Variants in PRDM2 observed in about 807,000 individuals in gnomAD.
PRDM2 encodes the protein PR/SET domain 2.
Under a neutral mutation model 130.0 loss-of-function variants are expected in PRDM2, and 30 were observed. That is an observed-to-expected ratio of 0.23 (90% CI 0.17 to 0.31). The LOEUF is 0.31. PRDM2 is among the 10% of genes least tolerant of loss of function. The probability of loss-of-function intolerance (pLI) is 1.00; values close to 1 mark genes in which losing one functional copy is unlikely to be tolerated. For missense variants in PRDM2, 2,011 were observed against 2,108.4 expected, an observed-to-expected ratio of 0.95 and a Z score of 0.90; for synonymous variants, 871 against 782.4, an observed-to-expected ratio of 1.11 and a Z score of -1.89.
At chr1:13,791,633 AAAG>A (rs1644840960) in intron 8 of PRDM2, among the ~76,000 whole-genome samples, 1 of 152,204 alleles carries the variant, frequency 6.6e-6, no homozygotes, top group Non-Finnish European at 1.5e-5. Flanking sequence ...CCTTATTTTT[AAAG>A]TATAGGATTA....
rs1557606338 is a variant in PRDM2, at chr1:13,732,896, C to T, written c.231+14C>T. 2.7e-6 allele frequency: 4 copies of T among 1,465,420 alleles called. No homozygotes were observed. The African/African-American group carries it at 5.8e-5, about 21-fold the overall frequency. 90.8% of individuals were successfully genotyped at this position (1,465,420 alleles called of 1,614,324 possible). ...TACATGTGGGAGGTAAGAAGTAATT[C>T]TGATTCTTTGTTTTTCAGAGTTTTA... On this transcript the variant is annotated intron_variant, in intron 4 of 9. Coordinates refer to ENST00000311066, the MANE Select transcript of PRDM2 (RefSeq NM_001393986.1).
chr1:13,703,130 C>T (rs1400814009), intron 1 of PRDM2, among the ~76,000 whole-genome samples: 2 of 152,214 alleles, frequency 1.3e-5, no homozygotes, highest in South Asian at 2.1e-4. Flanking sequence ...ATAAAAACCA[C>T]CTTTATGGAG....
At chr1:13,754,054 G>A (rs539555168) in intron 6 of PRDM2, among the ~76,000 whole-genome samples, 1 of 152,272 alleles carries the variant, frequency 6.6e-6, no homozygotes, top group South Asian at 2.1e-4. Flanking sequence ...GGTATGGCCT[G>A]ACTGTAGGTG....
At chr1:13,749,340 T>C (rs2100534478) in intron 5 of PRDM2, 21 bp from the exon 6 acceptor site, 1 of 1,454,638 alleles carries the variant, frequency 6.9e-7, no homozygotes, top group East Asian at 3.2e-5. Context: ...GGCCCGGCGC[T>C]TGTCTCTTCT....
chr1:13,749,535 C>G (rs1643741480), intron 6 of PRDM2, 48 bp downstream of exon 6: 2 of 1,194,970 alleles, frequency 1.7e-6, no homozygotes, highest in Non-Finnish European at 2.1e-6. Context: ...CACGCCCGCC[C>G]AGGACGCCGC....
At position 13,780,709 on chromosome 1, in the gene PRDM2, T is replaced by G; in HGVS notation, c.2914T>G (p.Ser972Ala). The change falls in exon 8 of 10, where the codon TCC becomes GCC. Residue 972 changes from serine (S) to alanine (A), a missense_variant. Coordinates refer to ENST00000311066, the MANE Select transcript of PRDM2 (RefSeq NM_001393986.1). ...PPLLIPTDPSSPPPCPPVLTV... is the reference protein window; with the variant it reads ...PPLLIPTDPSAPPPCPPVLTV... The stretch of plus-strand genomic sequence containing the variant: ...TCTCTTGATCCCCACAGATCCCTCT[T>G]CCCCTCCACCCTGTCCCCCGGTATT... The G allele has an allele frequency of 6.2e-7, 1 of 1,602,166 alleles. No individual in the cohort carries two copies. The highest frequency in any genetic ancestry group is 1.1e-5 in the South Asian group (1 of 89,668).
chr1:13,802,423 G>C (rs1054629573), intron 8 of PRDM2, among the ~76,000 whole-genome samples: 5 of 152,168 alleles, frequency 3.3e-5, no homozygotes, highest in African/African-American at 1.2e-4. Context: ...GCCTCTCATT[G>C]TTAGCATCCC....
Position 13,779,941 on chromosome 1 carries a change from C to G in PRDM2, c.2146C>G (p.Pro716Ala). 1 of 1,614,206 alleles carries G rather than the reference C, an allele frequency of 6.2e-7. No homozygotes were observed. Among genetic ancestry groups the G allele is most frequent in the Non-Finnish European group, 8.5e-7 (1 of 1,180,032 alleles). Residue 716 changes from proline (P) to alanine (A), a missense_variant, in exon 8 of 10, where the codon CCT (proline) becomes GCT (alanine). Coordinates refer to ENST00000311066, the MANE Select transcript of PRDM2 (RefSeq NM_001393986.1). This position sits in a 1 kb window ranked among gnomAD's most constrained non-coding sequence, Gnocchi z 4.9. ...AGCAACTGAAATAGCTAAATTAGGT[C>G]CTGTTTGTGTGTCTGCTCCTGCATC... ...ISATEIAKLG[P>A]VCVSAPASML...
At chr1:13,741,944 G>A in intron 4 of PRDM2, 61 bp from the exon 5 acceptor site, 2 of 1,304,306 alleles carry the variant, frequency 1.5e-6, no homozygotes, top group Non-Finnish European at 2.2e-6. Context: ...AGTTAAAAAT[G>A]GAGGCATTTT....
intron 6 of PRDM2, among the ~76,000 whole-genome samples, chr1:13,761,579 A>G (rs1644099310): frequency 6.6e-6 from 1 of 152,100 alleles, no homozygotes; most frequent in African/African-American, 2.4e-5. Context: ...TAACTTTGTA[A>G]TAACACAGGA....
At chr1:13,722,698 A>C (rs1484727825) in intron 2 of PRDM2, 2 of 366,800 alleles carry the variant, frequency 5.5e-6, no homozygotes, top group Non-Finnish European at 1.1e-5. Flanking sequence ...ACCCTCACCC[A>C]TTCCCATTCT....
chr1:13,763,663 A>G (rs1475623006), intron 6 of PRDM2, among the ~76,000 whole-genome samples: 1 of 152,268 alleles, frequency 6.6e-6, no homozygotes, highest in Non-Finnish European at 1.5e-5. Context: ...ATTTTGTCTC[A>G]ACCAATAAAA....
chr1:13,752,712 C>G, intron 6 of PRDM2, among the ~76,000 whole-genome samples: 1 of 152,134 alleles, frequency 6.6e-6, no homozygotes, highest in Non-Finnish European at 1.5e-5. Context: ...GTTCTTTTAC[C>G]TGGAGAAACA....
chr1:13,772,990 C>T, intron 6 of PRDM2, 88 bp from the exon 7 acceptor site: 4 of 738,260 alleles, frequency 5.4e-6, no homozygotes, highest in African/African-American at 1.8e-5. Context: ...TAATTATCTT[C>T]AGTAATTCAG....
intron 2 of PRDM2, among the ~76,000 whole-genome samples, chr1:13,723,536 T>C (rs1046285971): frequency 1.3e-5 from 2 of 152,214 alleles, no homozygotes; most frequent in Non-Finnish European, 2.9e-5. Flanking sequence ...AGGGTTTGGC[T>C]CTGTTGACCA....
At chr1:13,724,935 G>C (rs1234977243) in intron 2 of PRDM2, among the ~76,000 whole-genome samples, 1 of 152,088 alleles carries the variant, frequency 6.6e-6, no homozygotes, top group East Asian at 1.9e-4. Context: ...GCCCAGGAAG[G>C]GGAGAACGTA....
At chr1:13,760,980 G>A (rs78354946) in intron 6 of PRDM2, among the ~76,000 whole-genome samples, 1 of 152,196 alleles carries the variant, frequency 6.6e-6, no homozygotes, top group Admixed American at 6.5e-5. Context: ...TAAAGGGCCT[G>A]TTTGGATCTG....
At chr1:13,821,410 A>G (rs541938539) in intron 9 of PRDM2, among the ~76,000 whole-genome samples, 28 of 151,834 alleles carry the variant, frequency 1.8e-4, no homozygotes, top group Non-Finnish European at 3.8e-4. Flanking sequence ...GGCCCAGCCC[A>G]ATTCAACCCA....
intron 1 of PRDM2, among the ~76,000 whole-genome samples, chr1:13,702,907 G>T (rs545151124): frequency 1.1e-3 from 166 of 152,308 alleles, no homozygotes; most frequent in African/African-American, 3.9e-3. Flanking sequence ...CGTCAAACTT[G>T]CATGACGATG....
Sources: allele counts gnomAD v4.1 joint callset (sites outside exome capture counted in the v4.1 genomes callset), GRCh38; gene constraint gnomAD v4.1.1; non-coding constraint Gnocchi (gnomAD v3.1); transcripts MANE v1.5; gene names NCBI Gene and HGNC (gene_info 2026-07-23, HGNC 2026-07-21).